The following DCHS1 variants were observed in gnomAD, a reference collection of about 807,000 sequenced individuals.
DCHS1 encodes dachsous cadherin-related 1, also known as protocadherin-16.
Under a neutral mutation model 213.9 loss-of-function variants are expected in DCHS1, and 78 were observed. The ratio of observed to expected loss-of-function variants is 0.36; its 90% confidence interval spans 0.30 to 0.44. DCHS1 has a LOEUF of 0.44. DCHS1 is among the 20% of genes least tolerant of loss of function. The pLI, the probability that DCHS1 is intolerant of heterozygous loss-of-function variation, is 1.00. For synonymous variants in DCHS1, 1,828 were observed against 1,873.7 expected, an observed-to-expected ratio of 0.98 and a Z score of 0.63; for missense variants, 3,946 against 4,395.9, an observed-to-expected ratio of 0.90 and a Z score of 2.89.
chr11:6,642,284 G>A (rs1021683358), intron 1 of DCHS1, among the ~76,000 whole-genome samples: 2 of 152,134 alleles, frequency 1.3e-5, no homozygotes. Context: ...CTACAATATA[G>A]AGGCACTGAG....
rs758984899 is a variant in DCHS1 at position 6,626,702 on chromosome 11, A to G, written c.6251-37T>C. On this transcript the variant is annotated intron_variant, in intron 14 of 20. Coordinates refer to ENST00000299441, the MANE Select transcript of DCHS1 (RefSeq NM_003737.4). The surrounding 1 kb of genome is among the most constrained non-coding windows in gnomAD (Gnocchi z 5.2). The stretch of plus-strand genomic sequence containing the variant: ...ACGGTATTGTTGGACTGTGAGCGCG[A>G]GACTGGGAGAGTTTGGGGGACATTT... 9.9e-6 allele frequency: 16 copies of G among 1,611,944 alleles called. No individual in the cohort carries two copies. Among genetic ancestry groups the G allele is most frequent in the Non-Finnish European group, 1.3e-5 (15 of 1,179,124 alleles).
Position 6,626,905 on chromosome 11 carries a change from C to A in DCHS1, c.6134G>T (p.Arg2045Leu). 2 of 1,613,592 alleles carry A rather than the reference C, an allele frequency of 1.2e-6. No homozygotes were observed. The highest frequency in any genetic ancestry group is 1.1e-5 in the South Asian group (1 of 91,068). ...VLFIVATDLG[R>L]PARSATGVII... Reference sequence around the variant, plus strand: ...CACACCAGTGGCAGAGCGAGCTGGACGGCCAAGATCAGTGGCCACAATGAA... The same window carrying A: ...CACACCAGTGGCAGAGCGAGCTGGAAGGCCAAGATCAGTGGCCACAATGAA... The change falls in exon 14 of 21, where the codon CGT becomes CTT. Residue 2045 changes from arginine (R) to leucine (L), a missense_variant. Transcript: ENST00000299441. This position sits in a 1 kb window ranked among gnomAD's most constrained non-coding sequence, Gnocchi z 5.2.
At chr11:6,651,115 CT>C (rs1564872586) in intron 1 of DCHS1, among the ~76,000 whole-genome samples, 1 of 152,198 alleles carries the variant, frequency 6.6e-6, no homozygotes, top group Non-Finnish European at 1.5e-5. Context: ...AATACGCACT[CT>C]TGCCATCAAG....
intron 1 of DCHS1, among the ~76,000 whole-genome samples, chr11:6,644,056 C>G (rs980210927): frequency 1.3e-5 from 2 of 152,224 alleles, no homozygotes; most frequent in African/African-American, 4.8e-5. Flanking sequence ...CCTGCAACAG[C>G]TCCTCACTGG....
In DCHS1 at chr11:6,654,993, C is replaced by T. The variant is rs921864001; in HGVS notation, c.-121+570G>A. ...CCCACTCAGAACACGTCTGGGTGAC[C>T]CCCCCCTCCATCCACTTCAGGCTGT... On this transcript the variant is annotated intron_variant, in intron 1 of 20. Transcript: ENST00000299441. 5.0e-5 allele frequency among the ~76,000 whole-genome samples: 3 copies of T among 59,798 alleles called. 1 individual carries two copies. The Admixed American group carries it at 6.1e-4, about 12-fold the overall frequency. The allele number at this position is 59,798 out of a possible 152,430, so 39.2% of individuals were successfully genotyped here. A position where few individuals can be genotyped will look rare whatever the true frequency, so the allele number is the denominator to read the frequency against.
At position 6,630,155 on chromosome 11, in the gene DCHS1, C is replaced by A; in HGVS notation, c.4639G>T (p.Ala1547Ser). 6.2e-7 allele frequency: 1 copy of A among 1,601,956 alleles called. No homozygotes were observed. Among genetic ancestry groups the A allele is most frequent in the East Asian group, 2.3e-5 (1 of 44,328 alleles). Residue 1547 changes from alanine to serine, a missense_variant, in exon 10 of 21, where the codon GCC (alanine) becomes TCC (serine). Transcript: ENST00000299441. ...TDENDNAPVF[A>S]SPSRVRLPED... is the part of the protein sequence containing the mutation. ...GGGAGGCGCACGCGTGACGGCGAGG[C>A]GAAGACAGGCGCGTTGTCATTCTCA...
Position 6,627,735 on chromosome 11 carries a change from A to G in DCHS1, c.5372-68T>C, listed in dbSNP as rs879621431. 65 of 1,514,006 alleles carry G rather than the reference A, an allele frequency of 4.3e-5. No individual in the cohort carries two copies. Among genetic ancestry groups the G allele is most frequent in the Non-Finnish European group, 4.8e-5 (54 of 1,119,796 alleles). The allele number at this position is 1,514,006 out of a possible 1,614,324, so 93.8% of individuals were successfully genotyped here. ...GGGATGGGGGTGATTTACAGACAAC[A>G]GGAGAGAGTGAGCATGTGCACAAAA... On this transcript the variant is annotated intron_variant, in intron 13 of 20. Coordinates refer to ENST00000299441, the MANE Select transcript of DCHS1 (RefSeq NM_003737.4). This position sits in a 1 kb window ranked among gnomAD's most constrained non-coding sequence, Gnocchi z 5.4.
Position 6,641,510 on chromosome 11 carries a change from G to A in DCHS1, c.104C>T (p.Ala35Val). 6.4e-7 allele frequency: 1 copy of A among 1,556,734 alleles called. No individual in the cohort carries two copies. Among genetic ancestry groups the A allele is most frequent in the Non-Finnish European group, 8.7e-7 (1 of 1,151,876 alleles). The change falls in exon 2 of 21, where the codon GCT becomes GTT. Residue 35 changes from alanine (A) to valine (V), a missense_variant. Coordinates refer to ENST00000299441, the MANE Select transcript of DCHS1 (RefSeq NM_003737.4). This position sits in a 1 kb window ranked among gnomAD's most constrained non-coding sequence, Gnocchi z 7.1. ...CTGACCCCAGGCACCTGGCACCCCA[G>A]CCCCCAGCAGCAGCAGCAGCAGCAG... is the stretch of plus-strand genomic sequence containing the variant. Reference protein sequence around the residue: ...LLLLLLLLLGAGVPGAWGQAG... With the variant: ...LLLLLLLLLGVGVPGAWGQAG...
chr11:6,644,491 C>T (rs1162729214), intron 1 of DCHS1, among the ~76,000 whole-genome samples: 1 of 152,226 alleles, frequency 6.6e-6, no homozygotes, highest in African/African-American at 2.4e-5. Flanking sequence ...CTCCCTCCTG[C>T]CTGTGCAGAG....
At chr11:6,634,657 G>A (rs4520576) in intron 2 of DCHS1, among the ~76,000 whole-genome samples, 44,773 of 151,888 alleles carry the variant, frequency 0.29, 7,787 homozygotes, top group East Asian at 0.44. Flanking sequence ...TCTAACATAT[G>A]TATTTTCTCC....
rs2134620609 is a variant in DCHS1 at position 6,627,854 on chromosome 11, G to C, written c.5372-187C>G. ...GCTGGTATCATTTGTGTGTGGTCTG[G>C]GAACCCCGGGAGTCCCCCAAGTCCT... On this transcript the variant is annotated intron_variant, in intron 13 of 20. Coordinates refer to ENST00000299441, the MANE Select transcript of DCHS1 (RefSeq NM_003737.4). This position sits in a 1 kb window ranked among gnomAD's most constrained non-coding sequence, Gnocchi z 5.4. Among the ~76,000 whole-genome samples the C allele has an allele frequency of 6.6e-6, 1 of 152,324 alleles. No individual in the cohort carries two copies. Among genetic ancestry groups the C allele is most frequent in the Admixed American group, 6.5e-5 (1 of 15,304 alleles).
intron 2 of DCHS1, chr11:6,635,077 G>A (rs766663698): frequency 2.0e-5 from 3 of 152,170 alleles, no homozygotes; most frequent in Non-Finnish European, 4.4e-5. Context: ...CCCTCACCAA[G>A]TCTCATAATC....
At position 6,632,564 on chromosome 11, in the gene DCHS1, C is replaced by T. The variant is rs370374810; in HGVS notation, c.2948G>A (p.Arg983Gln). The T allele has an allele frequency of 4.6e-5, 70 of 1,517,732 alleles. No homozygotes were observed. Among genetic ancestry groups the T allele is most frequent in the Non-Finnish European group, 5.4e-5 (61 of 1,129,618 alleles). 94.0% of individuals were successfully genotyped at this position (1,517,732 alleles called of 1,614,324 possible). Residue 983 changes from arginine to glutamine, a missense_variant, in exon 6 of 21, where the codon CGA (arginine) becomes CAA (glutamine). Arg to Gln is a conservative substitution (Grantham distance 43). Around this residue, in one of 3 missense-constraint regions of DCHS1, gnomAD observed 3,384 missense variants for 3,780.1 expected, o/e 0.90. Transcript: ENST00000299441. This position sits in a 1 kb window ranked among gnomAD's most constrained non-coding sequence, Gnocchi z 5.9. ...CACATCCTGTACCACCACCCGTAGTCGAAAGTGGCTGGTGCGTGGTGGGGA... is the reference window on the plus strand; with the variant it reads ...CACATCCTGTACCACCACCCGTAGTTGAAAGTGGCTGGTGCGTGGTGGGGA... ...GGSPPRTSHF[R>Q]LRVVVQDVGT...
At position 6,623,028 on chromosome 11, in the gene DCHS1, G is replaced by A. The variant is rs1331095452; in HGVS notation, c.8648C>T (p.Thr2883Ile). 4 of 1,574,442 alleles carry A rather than the reference G, an allele frequency of 2.5e-6. No individual in the cohort carries two copies. Among genetic ancestry groups the A allele is most frequent in the African/African-American group, 2.7e-5 (2 of 74,014 alleles). ...DSRAPGSGTA[T>I]SGGGGRTRRE... The stretch of plus-strand genomic sequence containing the variant: ...CCGGGTCCGGCCCCCACCCCCAGAG[G>A]TGGCTGTTCCGCTGCCTGGTGCCCG... Residue 2883 changes from threonine (T) to isoleucine (I), a missense_variant, in exon 21 of 21, where the codon ACC (threonine) becomes ATC (isoleucine). This residue lies in a region of DCHS1 where 554 missense variants were observed against 590.2 expected (regional missense o/e 0.94). Transcript: ENST00000299441.
In DCHS1 at chr11:6,640,670, T is replaced by G; in HGVS notation, c.944A>C (p.Gln315Pro). Reference sequence around the variant, plus strand: ...CTCAAAGTCCAGTGGCCGCTCTAACTGCAGCAGCCCCGTGTGTGCGTCGAT... The same window carrying G: ...CTCAAAGTCCAGTGGCCGCTCTAACGGCAGCAGCCCCGTGTGTGCGTCGAT... ...FSIDAHTGLLQLERPLDFEQR... is the reference protein window; with the variant it reads ...FSIDAHTGLLPLERPLDFEQR... The change falls in exon 2 of 21, where the codon CAG (glutamine) becomes CCG (proline). Residue 315 changes from glutamine to proline, a missense_variant. Coordinates refer to ENST00000299441, the MANE Select transcript of DCHS1 (RefSeq NM_003737.4). The surrounding 1 kb of genome is among the most constrained non-coding windows in gnomAD (Gnocchi z 6.5). 1 of 1,613,238 alleles carries G rather than the reference T, an allele frequency of 6.2e-7. No homozygotes were observed. Among genetic ancestry groups the G allele is most frequent in the Non-Finnish European group, 8.5e-7 (1 of 1,179,880 alleles).
rs1384587438 is a variant in DCHS1 at position 6,626,736 on chromosome 11, C to T, written c.6250+53G>A. 6.2e-7 allele frequency: 1 copy of T among 1,609,534 alleles called. No individual in the cohort carries two copies. The highest frequency in any genetic ancestry group is 1.3e-5 in the African/African-American group (1 of 74,850). On this transcript the variant is annotated intron_variant, in intron 14 of 20. Transcript: ENST00000299441. The surrounding 1 kb of genome is among the most constrained non-coding windows in gnomAD (Gnocchi z 5.2). ...GAGTTTGGGGGACATTTTCAAAGCACAACCCCAGCCCATTTGGGAGTCTGA... is the reference window on the plus strand; with the variant it reads ...GAGTTTGGGGGACATTTTCAAAGCATAACCCCAGCCCATTTGGGAGTCTGA...
chr11:6,641,133 G>A lies in DCHS1; in HGVS notation c.481C>T (p.Arg161Cys), dbSNP rs763347261. ...QVPEHTAFGT[R>C]YPLEPARDAD... is the part of the protein sequence containing the mutation. ...TCACGAGCAGGCTCCAGTGGGTAGC[G>A]GGTGCCAAAAGCTGTATGCTCAGGT... Residue 161 changes from arginine (R) to cysteine (C), a missense_variant, in exon 2 of 21, where the codon CGC becomes TGC. By Grantham distance (180) the Arg-to-Cys change is radical. Around this residue, in one of 3 missense-constraint regions of DCHS1, gnomAD observed 3,384 missense variants for 3,780.1 expected, o/e 0.90. Transcript: ENST00000299441. The surrounding 1 kb of genome is among the most constrained non-coding windows in gnomAD (Gnocchi z 7.1). 15 of 1,613,818 alleles carry A rather than the reference G, an allele frequency of 9.3e-6. No individual in the cohort carries two copies. Among genetic ancestry groups the A allele is most frequent in the East Asian group, 4.5e-5 (2 of 44,880 alleles).
rs962882949 is a variant in DCHS1, at chr11:6,640,916, G to A, written c.698C>T (p.Pro233Leu). The change falls in exon 2 of 21, where the codon CCC (proline) becomes CTC (leucine). Residue 233 changes from proline (P) to leucine (L), a missense_variant. Pro to Leu is a moderately conservative substitution (Grantham distance 98, BLOSUM62 -3). Around this residue, in one of 3 missense-constraint regions of DCHS1, gnomAD observed 3,384 missense variants for 3,780.1 expected, o/e 0.90. Transcript: ENST00000299441. The surrounding 1 kb of genome is among the most constrained non-coding windows in gnomAD (Gnocchi z 6.5). ...CAGCAGGGCCTGGGCCCTCCGGGGG[G>A]GTGAACCACCATCATAGGCCTCCAG... ...LQLEAYDGGS[P>L]PRRAQALLDV... 1 of 1,614,038 alleles carries A rather than the reference G, an allele frequency of 6.2e-7. No individual in the cohort carries two copies. The highest frequency in any genetic ancestry group is 8.5e-7 in the Non-Finnish European group (1 of 1,179,902).
intron 2 of DCHS1, among the ~76,000 whole-genome samples, chr11:6,639,278 G>A (rs1235503508): frequency 6.6e-6 from 1 of 152,108 alleles, no homozygotes; most frequent in Non-Finnish European, 1.5e-5. Flanking sequence ...TTCTCAGCCT[G>A]TCCAGGGTTC....
Sources: allele counts gnomAD v4.1 joint callset (sites outside exome capture counted in the v4.1 genomes callset), GRCh38; gene constraint gnomAD v4.1.1; regional missense constraint gnomAD v4.1.1; non-coding constraint Gnocchi (gnomAD v3.1); transcripts MANE v1.5; gene names NCBI Gene and HGNC (gene_info 2026-07-23, HGNC 2026-07-21).